Variants in RFX2 observed in about 807,000 individuals in gnomAD.
The protein encoded by RFX2 is DNA-binding protein RFX2.
In RFX2, 20 loss-of-function variants were observed where a neutral mutation model predicts 87.8. The ratio of observed to expected loss-of-function variants is 0.23; its 90% CI spans 0.16 to 0.33. The LOEUF (loss-of-function observed/expected upper bound fraction) is 0.33. Among genes scored for constraint, RFX2 ranks in the 10% least tolerant of loss-of-function variants. RFX2 has a pLI of 1.00. For missense variants in RFX2, 767 were observed against 1,012.3 expected, an observed-to-expected ratio of 0.76 and a Z score of 3.29; for synonymous variants, 397 against 431.3, an observed-to-expected ratio of 0.92 and a Z score of 0.98.
At chr19:6,073,468 C>G in intron 1 of RFX2, 1 of 858,614 alleles carries the variant, frequency 1.2e-6, no homozygotes, top group Non-Finnish European at 1.8e-6. Flanking sequence ...GTGGAAAGGG[C>G]CGCCCAGCTG....
chr19:5,994,810 C>G lies in RFX2; in HGVS notation c.*25G>C. 2.1e-6 allele frequency: 3 copies of G among 1,416,780 alleles called. No individual in the cohort carries two copies. Among genetic ancestry groups the G allele is most frequent in the Non-Finnish European group, 3.0e-6 (3 of 1,012,566 alleles). 87.8% of individuals were successfully genotyped at this position (1,416,780 alleles called of 1,614,324 possible). On this transcript the variant is annotated 3_prime_UTR_variant, in exon 18 of 18. Coordinates refer to ENST00000303657, the MANE Select transcript of RFX2 (RefSeq NM_000635.4). Reference sequence around the variant, plus strand: ...GTGACCAGGCGGCATCTTTTGGAACCTCGAGGAGGCGCCGGCCGGGGCTGC... The same window carrying G: ...GTGACCAGGCGGCATCTTTTGGAACGTCGAGGAGGCGCCGGCCGGGGCTGC...
chr19:6,015,405 G>A (rs796442033), intron 7 of RFX2, among the ~76,000 whole-genome samples: 63 of 151,718 alleles, frequency 4.2e-4, no homozygotes, highest in African/African-American at 1.5e-3. Context: ...CTCCAGCCTG[G>A]GTGACAGAGC....
At chr19:6,085,008 T>C (rs1458923650) in intron 1 of RFX2, among the ~76,000 whole-genome samples, 1 of 152,256 alleles carries the variant, frequency 6.6e-6, no homozygotes, top group Non-Finnish European at 1.5e-5. Context: ...AATGTCCATG[T>C]TGCAGCCTGT....
rs1235382805 is a variant in RFX2, at chr19:6,026,580, G to A, written c.523-343C>T. ...ATGCAGCCACTGCATCCATTCCAGTGTCAGCCAAGCCAGCATCATAGTCAC... is the reference window on the plus strand; with the variant it reads ...ATGCAGCCACTGCATCCATTCCAGTATCAGCCAAGCCAGCATCATAGTCAC... On this transcript the variant is annotated intron_variant, in intron 5 of 17. Coordinates refer to ENST00000303657, the MANE Select transcript of RFX2 (RefSeq NM_000635.4). The surrounding 1 kb of genome is among the most constrained non-coding windows in gnomAD (Gnocchi z 4.5). 6.2e-6 allele frequency: 2 copies of A among 323,850 alleles called. No homozygotes were observed. The highest frequency in any genetic ancestry group is 1.2e-5 in the Non-Finnish European group (2 of 171,826). The allele number at this position is 323,850 out of a possible 1,614,324, so 20.1% of individuals were successfully genotyped here. A position where few individuals can be genotyped will look rare whatever the true frequency, so the allele number is the denominator to read the frequency against.
Position 6,007,256 on chromosome 19 carries a change from CT to C in RFX2, c.1248-91del. ...GCGAGCAGAGAGCCGGGCTGCGGGA[CT>C]TTTGCCCAACAGTGGGGCTGGGGTT... On this transcript the variant is annotated intron_variant, in intron 11 of 17. Transcript: ENST00000303657. The surrounding 1 kb of genome is among the most constrained non-coding windows in gnomAD (Gnocchi z 8.2). 2 of 1,388,304 alleles carry C rather than the reference CT, an allele frequency of 1.4e-6. No individual in the cohort carries two copies. 86.0% of individuals were successfully genotyped at this position (1,388,304 alleles called of 1,614,324 possible).
Position 6,063,795 on chromosome 19 carries a change from G to C in RFX2, c.-8-16291C>G, listed in dbSNP as rs2087472780. On this transcript the variant is annotated intron_variant, in intron 1 of 17. Coordinates refer to ENST00000303657, the MANE Select transcript of RFX2 (RefSeq NM_000635.4). This position sits in a 1 kb window ranked among gnomAD's most constrained non-coding sequence, Gnocchi z 4.0. ...CGCAGGGTGCTGGGCAGCATCCCTG[G>C]CCTCCACCCACTCCATGCCAGGAAA... Among the ~76,000 whole-genome samples, 1 of 152,144 alleles carries C rather than the reference G, an allele frequency of 6.6e-6. No homozygotes were observed. Among genetic ancestry groups the C allele is most frequent in the Non-Finnish European group, 1.5e-5 (1 of 68,022 alleles).
In RFX2 at chr19:6,039,360, C is replaced by T. The variant is rs1055399010; in HGVS notation, c.522+620G>A. On this transcript the variant is annotated intron_variant, in intron 5 of 17. Coordinates refer to ENST00000303657, the MANE Select transcript of RFX2 (RefSeq NM_000635.4). The surrounding 1 kb of genome is among the most constrained non-coding windows in gnomAD (Gnocchi z 5.2). ...CCACGAGGGGGTTTTCAGGGCAATG[C>T]ACTGTTCTGTGACCTGATTATACAC... Among the ~76,000 whole-genome samples, 1 of 152,188 alleles carries T rather than the reference C, an allele frequency of 6.6e-6. No individual in the cohort carries two copies. Among genetic ancestry groups the T allele is most frequent in the Non-Finnish European group, 1.5e-5 (1 of 68,040 alleles).
chr19:6,099,045 A>T (rs537999230), intron 1 of RFX2, among the ~76,000 whole-genome samples: 1 of 152,144 alleles, frequency 6.6e-6, no homozygotes, highest in Non-Finnish European at 1.5e-5. Context: ...CCTCAGAGCA[A>T]AAAGGAGAAT....
At chr19:6,079,646 G>A (rs2144855207) in intron 1 of RFX2, among the ~76,000 whole-genome samples, 1 of 152,260 alleles carries the variant, frequency 6.6e-6, no homozygotes, top group East Asian at 1.9e-4. Flanking sequence ...CTAGCACTTT[G>A]GAAGGCTGAG....
chr19:6,044,292 A>G lies in RFX2; in HGVS notation c.91-10T>C. The G allele has an allele frequency of 6.6e-7, 1 of 1,508,444 alleles. No individual in the cohort carries two copies. The highest frequency in any genetic ancestry group is 8.9e-7 in the Non-Finnish European group (1 of 1,124,014). 93.4% of individuals were successfully genotyped at this position (1,508,444 alleles called of 1,614,324 possible). ...CCTGGACCAACACCCTCTAAAAGGG[A>G]AGGGAGAGAAGGCCAGTTAGACTTG... is the stretch of plus-strand genomic sequence containing the variant. On this transcript the variant is annotated splice_polypyrimidine_tract_variant and intron_variant, in intron 2 of 17. Coordinates refer to ENST00000303657, the MANE Select transcript of RFX2 (RefSeq NM_000635.4). This position sits in a 1 kb window ranked among gnomAD's most constrained non-coding sequence, Gnocchi z 5.3.
intron 1 of RFX2, among the ~76,000 whole-genome samples, chr19:6,104,021 C>T (rs543483819): frequency 8.5e-5 from 13 of 152,294 alleles, no homozygotes; most frequent in Non-Finnish European, 5.9e-5. Flanking sequence ...AGCAACCACA[C>T]GAGCTATTAT....
intron 6 of RFX2, among the ~76,000 whole-genome samples, chr19:6,019,056 C>T (rs1352193276): frequency 6.6e-6 from 1 of 152,036 alleles, no homozygotes; most frequent in Admixed American, 6.6e-5. Context: ...CAGTGTCCCC[C>T]ACCCCCCCGC....
At chr19:6,041,248 T>C (rs543000112) in intron 4 of RFX2, among the ~76,000 whole-genome samples, 1 of 152,180 alleles carries the variant, frequency 6.6e-6, no homozygotes, top group South Asian at 2.1e-4. Context: ...ACCGCCACAG[T>C]GGCTGGGGTT....
intron 1 of RFX2, among the ~76,000 whole-genome samples, chr19:6,104,027 A>G (rs2088170205): frequency 6.6e-6 from 1 of 152,282 alleles, no homozygotes; most frequent in South Asian, 2.1e-4. Flanking sequence ...CACACGAGCT[A>G]TTATTATCGA....
In RFX2 at chr19:6,044,364, G is replaced by T; in HGVS notation, c.91-82C>A. 1 of 874,642 alleles carries T rather than the reference G, an allele frequency of 1.1e-6. No homozygotes were observed. The highest frequency in any genetic ancestry group is 1.6e-6 in the Non-Finnish European group (1 of 610,136). 54.2% of individuals were successfully genotyped at this position (874,642 alleles called of 1,614,324 possible). ...ACACACAGAATGTAAGATGCTGTTTGTCTGTTCATGTGCTTTTTATTAAAA... is the reference window on the plus strand; with the variant it reads ...ACACACAGAATGTAAGATGCTGTTTTTCTGTTCATGTGCTTTTTATTAAAA... On this transcript the variant is annotated intron_variant, in intron 2 of 17. Transcript: ENST00000303657. This position sits in a 1 kb window ranked among gnomAD's most constrained non-coding sequence, Gnocchi z 5.3.
Position 6,010,267 on chromosome 19 carries a change from G to A in RFX2, c.900-16C>T, listed in dbSNP as rs765235465. On this transcript the variant is annotated splice_polypyrimidine_tract_variant and intron_variant, in intron 8 of 17. Coordinates refer to ENST00000303657, the MANE Select transcript of RFX2 (RefSeq NM_000635.4). This position sits in a 1 kb window ranked among gnomAD's most constrained non-coding sequence, Gnocchi z 5.0. ...TGGCCGGTACCTAGGCCAGGAACAC[G>A]CATACCATCATGAGGCCCAGCAGCC... 12 of 1,515,982 alleles carry A rather than the reference G, an allele frequency of 7.9e-6. No homozygotes were observed. The highest frequency in any genetic ancestry group is 5.9e-5 in the Admixed American group (3 of 50,926). 93.9% of individuals were successfully genotyped at this position (1,515,982 alleles called of 1,614,324 possible).
intron 1 of RFX2, among the ~76,000 whole-genome samples, chr19:6,048,160 G>T (rs2087222547): frequency 6.6e-6 from 1 of 152,208 alleles, no homozygotes; most frequent in South Asian, 2.1e-4. Context: ...GAGAAAAGGT[G>T]ACCTGCAGAG....
Position 6,047,326 on chromosome 19 carries a change from G to T in RFX2, c.90+81C>A. The T allele has an allele frequency of 1.8e-6, 2 of 1,088,932 alleles. No individual in the cohort carries two copies. Among genetic ancestry groups the T allele is most frequent in the Non-Finnish European group, 2.6e-6 (2 of 758,576 alleles). The allele number at this position is 1,088,932 out of a possible 1,614,324, so 67.5% of individuals were successfully genotyped here. ...CAGAAAAATACAGATTCCTCTCTTT[G>T]CAGATCTGAGCAGCTTTCAAACCCA... is the stretch of plus-strand genomic sequence containing the variant. On this transcript the variant is annotated intron_variant, in intron 2 of 17. Coordinates refer to ENST00000303657, the MANE Select transcript of RFX2 (RefSeq NM_000635.4). The surrounding 1 kb of genome is among the most constrained non-coding windows in gnomAD (Gnocchi z 4.2).
In RFX2 at chr19:6,083,545, C is replaced by T. The variant is rs1345261369; in HGVS notation, c.-9+26848G>A. Reference sequence around the variant, plus strand: ...TAGTGTGCTAGATGTAGTCTGCTGACCCGTTTTTTTTTTTTTTAATTTTTA... The same window carrying T: ...TAGTGTGCTAGATGTAGTCTGCTGATCCGTTTTTTTTTTTTTTAATTTTTA... On this transcript the variant is annotated intron_variant, in intron 1 of 17. Coordinates refer to ENST00000303657, the MANE Select transcript of RFX2 (RefSeq NM_000635.4). The surrounding 1 kb of genome is among the most constrained non-coding windows in gnomAD (Gnocchi z 4.6). Among the ~76,000 whole-genome samples, 1 of 131,820 alleles carries T rather than the reference C, an allele frequency of 7.6e-6. No individual in the cohort carries two copies. The highest frequency in any genetic ancestry group is 2.2e-4 in the East Asian group (1 of 4,622). 86.5% of individuals were successfully genotyped at this position (131,820 alleles called of 152,430 possible).
Sources: allele counts gnomAD v4.1 joint callset (sites outside exome capture counted in the v4.1 genomes callset), GRCh38; gene constraint gnomAD v4.1.1; non-coding constraint Gnocchi (gnomAD v3.1); transcripts MANE v1.5; gene names NCBI Gene and HGNC (gene_info 2026-07-23, HGNC 2026-07-21).